The following MKRN2 variants were observed in gnomAD, a reference collection of about 807,000 sequenced individuals.
MKRN2 encodes makorin ring finger protein 2.
A neutral mutation model predicts 45.4 loss-of-function variants in MKRN2; 32 were observed. That is an observed-to-expected ratio of 0.70 (90% CI 0.53 to 0.95). The LOEUF (loss-of-function observed/expected upper bound fraction) is 0.95. MKRN2 is among the 40% of genes least tolerant of loss of function. The pLI is 0.00. For missense variants in MKRN2, 526 were observed against 536.7 expected, an observed-to-expected ratio of 0.98 and a Z score of 0.20; for synonymous variants, 206 against 192.4, an observed-to-expected ratio of 1.07 and a Z score of -0.59.
At chr3:12,565,115 T>G (rs1417703156) in intron 1 of MKRN2, among the ~76,000 whole-genome samples, 1 of 152,234 alleles carries the variant, frequency 6.6e-6, no homozygotes, top group East Asian at 1.9e-4. Context: ...GGACATAGAT[T>G]TTCATTTTCT....
intron 1 of MKRN2, among the ~76,000 whole-genome samples, chr3:12,558,760 G>T (rs1439956947): frequency 2.0e-5 from 3 of 152,178 alleles, no homozygotes; most frequent in African/African-American, 7.2e-5. Context: ...TGTTCTGTAG[G>T]ATGTTGCTCC....
intron 4 of MKRN2, among the ~76,000 whole-genome samples, chr3:12,573,011 C>A (rs1270501590): frequency 6.6e-6 from 1 of 152,232 alleles, no homozygotes; most frequent in Non-Finnish European, 1.5e-5. Flanking sequence ...GTGTATGTCT[C>A]TATCACATGC....
intron 1 of MKRN2, among the ~76,000 whole-genome samples, chr3:12,562,504 T>A (rs1559386558): frequency 6.6e-6 from 1 of 152,202 alleles, no homozygotes; most frequent in African/African-American, 2.4e-5. Flanking sequence ...TTTTTCTTTT[T>A]AAAAAATAAA....
intron 4 of MKRN2, among the ~76,000 whole-genome samples, chr3:12,574,354 C>T (rs142683923): frequency 1.3e-5 from 2 of 152,320 alleles, no homozygotes; most frequent in Non-Finnish European, 2.9e-5. Context: ...AGAAGTGGTG[C>T]TTCTTACATA....
chr3:12,583,497 G>A lies in MKRN2; in HGVS notation c.*1244G>A, dbSNP rs2058205965. On this transcript the variant is annotated 3_prime_UTR_variant, in exon 8 of 8. Transcript: ENST00000170447. ...CAAATTCATTCCCAGCCTAGGCTCT[G>A]GGCACATTTCCTGTTCTTGAATTCT... The A allele has an allele frequency of 4.8e-6, 1 of 207,882 alleles. No homozygotes were observed. The highest frequency in any genetic ancestry group is 7.3e-5 in the East Asian group (1 of 13,652). The allele number at this position is 207,882 out of a possible 1,614,324, so 12.9% of individuals were successfully genotyped here. A position where few individuals can be genotyped will look rare whatever the true frequency, so the allele number is the denominator to read the frequency against.
At chr3:12,567,211 GTT>G (rs34670828) in intron 1 of MKRN2, among the ~76,000 whole-genome samples, 124 of 139,496 alleles carry the variant, frequency 8.9e-4, no homozygotes, top group African/African-American at 3.0e-3. Flanking sequence ...ATCAGCTTGT[GTT>G]TTTTTTTTTT....
At chr3:12,559,569 G>C (rs573757998) in intron 1 of MKRN2, among the ~76,000 whole-genome samples, 1 of 152,222 alleles carries the variant, frequency 6.6e-6, no homozygotes, top group South Asian at 2.1e-4. Context: ...TAGATATTAT[G>C]TATCTCCAAG....
intron 6 of MKRN2, among the ~76,000 whole-genome samples, chr3:12,578,262 G>A (rs1456938658): frequency 6.7e-6 from 1 of 148,860 alleles, no homozygotes; most frequent in Non-Finnish European, 1.5e-5. Flanking sequence ...TGGAGTTTTA[G>A]CCACCCCATG....
intron 2 of MKRN2, among the ~76,000 whole-genome samples, chr3:12,569,232 G>C (rs2058085139): frequency 7.7e-6 from 1 of 130,546 alleles, no homozygotes; most frequent in African/African-American, 3.5e-5. Flanking sequence ...TGCGATCTCA[G>C]TTCTCTGCAA....
intron 1 of MKRN2, among the ~76,000 whole-genome samples, chr3:12,558,233 T>G (rs1466766160): frequency 2.6e-5 from 4 of 152,234 alleles, no homozygotes; most frequent in Admixed American, 2.6e-4. Context: ...ACTGTTCAAT[T>G]TATCCAAGGC....
intron 6 of MKRN2, among the ~76,000 whole-genome samples, chr3:12,578,836 C>CA (rs2058159651): frequency 6.8e-6 from 1 of 146,980 alleles, no homozygotes; most frequent in South Asian, 2.2e-4. Context: ...CTTTATGTTG[C>CA]ATATTAGTTT....
At chr3:12,575,557 C>G (rs2058128731) in intron 5 of MKRN2, among the ~76,000 whole-genome samples, 1 of 152,090 alleles carries the variant, frequency 6.6e-6, no homozygotes, top group Admixed American at 6.5e-5. Context: ...GTTCAGAACT[C>G]CACATCTGTC....
chr3:12,562,119 A>G (rs546687352), intron 1 of MKRN2, among the ~76,000 whole-genome samples: 1 of 152,310 alleles, frequency 6.6e-6, no homozygotes, highest in Non-Finnish European at 1.5e-5. Context: ...ATGAAAATGC[A>G]GCAACATGTG....
In MKRN2 at chr3:12,576,671, C is replaced by G; in HGVS notation, c.898C>G (p.Pro300Ala). ...CCGTGTGATATCAGAGTTTGTAATT[C>G]CAAGTGTGTATTGGGTGGAAGATCA... ...ECRVISEFVI[P>A]SVYWVEDQNK... Residue 300 changes from proline to alanine, a missense_variant, in exon 6 of 8, where the codon CCA becomes GCA. Transcript: ENST00000170447. 1 of 1,609,432 alleles carries G rather than the reference C, an allele frequency of 6.2e-7. No homozygotes were observed. The highest frequency in any genetic ancestry group is 1.3e-5 in the African/African-American group (1 of 74,836).
intron 3 of MKRN2, 71 bp from the exon 4 acceptor site, chr3:12,571,998 G>C (rs1453162189): frequency 1.4e-6 from 2 of 1,441,564 alleles, no homozygotes; most frequent in Non-Finnish European, 1.9e-6. Flanking sequence ...TAATATGTTA[G>C]GCTTTGGCTA....
chr3:12,573,554 A>T (rs1460385490), intron 4 of MKRN2, among the ~76,000 whole-genome samples: 1 of 151,950 alleles, frequency 6.6e-6, no homozygotes, highest in Non-Finnish European at 1.5e-5. Context: ...AATAATAAAA[A>T]AATTTAAAAA....
chr3:12,577,727 G>A (rs1050707277), intron 6 of MKRN2, among the ~76,000 whole-genome samples: 1 of 151,510 alleles, frequency 6.6e-6, no homozygotes, highest in East Asian at 1.9e-4. Flanking sequence ...CCAGGCTGGA[G>A]TGCAGTGGCA....
Position 12,572,297 on chromosome 3 carries a change from A to C in MKRN2, c.566A>C (p.His189Pro). ...TTTGGGGATGCCTGTGTCTACCTGC[A>C]CGGGGAGGTGTGTGAAATCTGTAGG... ...CRFGDACVYL[H>P]GEVCEICRLQ... The change falls in exon 4 of 8, where the codon CAC becomes CCC. Residue 189 changes from histidine to proline, a missense_variant. His to Pro is a moderately conservative substitution (Grantham distance 77, BLOSUM62 -2). Coordinates refer to ENST00000170447, the MANE Select transcript of MKRN2 (RefSeq NM_014160.5). 6.2e-7 allele frequency: 1 copy of C among 1,613,196 alleles called. No homozygotes were observed. The highest frequency in any genetic ancestry group is 8.5e-7 in the Non-Finnish European group (1 of 1,179,248).
chr3:12,564,909 G>C (rs181403865), intron 1 of MKRN2, among the ~76,000 whole-genome samples: 2 of 152,306 alleles, frequency 1.3e-5, no homozygotes, highest in African/African-American at 4.8e-5. Context: ...TTCACTCTGC[G>C]TAATGTTTTC....
Sources: gnomAD v4.1 joint callset for allele counts (sites outside exome capture counted in the v4.1 genomes callset) on GRCh38, gnomAD v4.1.1 for gene constraint, MANE v1.5 for transcripts, NCBI Gene and HGNC (gene_info 2026-07-23, HGNC 2026-07-21) for gene names.